NUMA1: variants seen among roughly 807,000 people sequenced by gnomAD.
The protein encoded by NUMA1 is nuclear mitotic apparatus protein 1.
Under a neutral mutation model 237.1 loss-of-function variants are expected in NUMA1, and 62 were observed. The ratio of observed to expected loss-of-function variants is 0.26; its 90% confidence interval spans 0.21 to 0.32. The LOEUF (loss-of-function observed/expected upper bound fraction) is 0.32. Among genes scored for constraint, NUMA1 ranks in the 10% least tolerant of loss-of-function variants. The pLI is 1.00. For synonymous variants in NUMA1, 1,028 were observed against 1,066.1 expected (o/e 0.96, Z 0.70); for missense variants, 2,533 against 2,666.5 (o/e 0.95, Z 1.10).
At chr11:72,027,167 T>C (rs1485274099) in intron 4 of NUMA1, among the ~76,000 whole-genome samples, 1 of 152,206 alleles carries the variant, frequency 6.6e-6, no homozygotes, top group Non-Finnish European at 1.5e-5. Flanking sequence ...TTGATCTATT[T>C]TGAAGTCAAA....
At chr11:72,031,437 A>C (rs1252330981) in intron 3 of NUMA1, among the ~76,000 whole-genome samples, 1 of 152,254 alleles carries the variant, frequency 6.6e-6, no homozygotes, top group African/African-American at 2.4e-5. Context: ...GAGGATTTTT[A>C]AAAATCAATG....
At chr11:72,079,973 G>A (rs994056521) in intron 1 of NUMA1, among the ~76,000 whole-genome samples, 1 of 151,894 alleles carries the variant, frequency 6.6e-6, no homozygotes, top group Non-Finnish European at 1.5e-5. Context: ...TACGTAACCC[G>A]GGCCAAGCTA....
At chr11:72,063,806 A>G (rs1312255810) in intron 2 of NUMA1, among the ~76,000 whole-genome samples, 1 of 151,436 alleles carries the variant, frequency 6.6e-6, no homozygotes, top group Admixed American at 6.6e-5. Context: ...AGTCCCAGCT[A>G]CTCAGGAGGC....
At chr11:72,031,046 T>C (rs1172811827) in intron 3 of NUMA1, among the ~76,000 whole-genome samples, 1 of 152,000 alleles carries the variant, frequency 6.6e-6, no homozygotes, top group East Asian at 1.9e-4. Flanking sequence ...TCCCAGCACT[T>C]TGGGAGGCTG....
At chr11:72,048,278 T>G (rs1467849187) in intron 2 of NUMA1, among the ~76,000 whole-genome samples, 1 of 151,646 alleles carries the variant, frequency 6.6e-6, no homozygotes, top group Non-Finnish European at 1.5e-5. Flanking sequence ...TATTATTGTC[T>G]ACAGCTGTTA....
At chr11:72,049,566 T>TATATATATATATATATATATATATA (rs1942212236) in intron 2 of NUMA1, 1 of 18,964 alleles carries the variant, frequency 5.3e-5, no homozygotes, top group Non-Finnish European at 2.9e-4. Context: ...TAATAATATA[T>TATATATATATATATATATATATATA]ATATATATAT....
At chr11:72,023,986 T>C (rs1354551158) in intron 5 of NUMA1, 1 of 359,496 alleles carries the variant, frequency 2.8e-6, no homozygotes, top group African/African-American at 2.1e-5. Flanking sequence ...AACAGAAACT[T>C]AAGGTGCTCA....
chr11:72,013,646 C>T lies in NUMA1; in HGVS notation c.3857G>A (p.Arg1286His), dbSNP rs1196759949. 3.7e-6 allele frequency: 6 copies of T among 1,609,588 alleles called. No homozygotes were observed. In the Admixed American group the frequency reaches 5.0e-5, roughly 13 times the overall value. Residue 1286 changes from arginine to histidine, a missense_variant, in exon 15 of 27, where the codon CGC becomes CAC. By Grantham distance (29) the Arg-to-His change is conservative. Coordinates refer to ENST00000393695, the MANE Select transcript of NUMA1 (RefSeq NM_006185.4). The surrounding 1 kb of genome is among the most constrained non-coding windows in gnomAD (Gnocchi z 6.8). Reference sequence around the variant, plus strand: ...CACCTCCTCCCGCAGAGCAGAGCTGCGTTCTGCAGCTCTGGCACTGTTGCT... The same window carrying T: ...CACCTCCTCCCGCAGAGCAGAGCTGTGTTCTGCAGCTCTGGCACTGTTGCT... ...TASNSARAAE[R>H]SSALREEVQS...
intron 1 of NUMA1, among the ~76,000 whole-genome samples, chr11:72,079,001 G>A (rs1943859291): frequency 6.6e-6 from 1 of 152,200 alleles, no homozygotes; most frequent in Admixed American, 6.5e-5. Context: ...ATTAAAGCAA[G>A]AAAATATCAT....
Position 72,003,466 on chromosome 11 carries a change from G to T in NUMA1, c.*61C>A. On this transcript the variant is annotated 3_prime_UTR_variant, in exon 27 of 27. Coordinates refer to ENST00000393695, the MANE Select transcript of NUMA1 (RefSeq NM_006185.4). ...GAAGGCACTGAGAGGGACAGTAGGC[G>T]GAGGACCAGGTGAGGTCAGCATCGG... 1.3e-6 allele frequency: 2 copies of T among 1,532,858 alleles called. No individual in the cohort carries two copies. Among genetic ancestry groups the T allele is most frequent in the Non-Finnish European group, 9.0e-7 (1 of 1,105,326 alleles). The allele number at this position is 1,532,858 out of a possible 1,614,324, so 95.0% of individuals were successfully genotyped here.
intron 20 of NUMA1, chr11:72,008,148 A>G (rs988627634): frequency 1.5e-5 from 7 of 478,522 alleles, no homozygotes; most frequent in Admixed American, 2.3e-5. Context: ...CTTTATGTCT[A>G]GCACAAAATA....
intron 22 of NUMA1, chr11:72,005,716 A>T: frequency 2.0e-6 from 1 of 496,826 alleles, no homozygotes. Context: ...AGAGCTTCCA[A>T]GAAGAGTCTG....
Position 72,018,983 on chromosome 11 carries a change from G to A in NUMA1, c.585-3C>T. On this transcript the variant is annotated splice_polypyrimidine_tract_variant and splice_region_variant and intron_variant, in intron 9 of 26. Transcript: ENST00000393695. ...AAGCTGGAGAACCTGAGAGAAAGCT[G>A]AGGAGGGAGAAGGCCCATATGCATT... The A allele has an allele frequency of 6.2e-7, 1 of 1,613,714 alleles. No individual in the cohort carries two copies. The highest frequency in any genetic ancestry group is 8.5e-7 in the Non-Finnish European group (1 of 1,179,946).
intron 2 of NUMA1, among the ~76,000 whole-genome samples, chr11:72,043,061 G>A (rs771761911): frequency 6.6e-6 from 1 of 152,186 alleles, no homozygotes; most frequent in Non-Finnish European, 1.5e-5. Context: ...GGAAGCTGCA[G>A]TGAGAGACAT....
chr11:72,019,207 T>C (rs1258608376), intron 9 of NUMA1, among the ~76,000 whole-genome samples: 1 of 152,144 alleles, frequency 6.6e-6, no homozygotes, highest in Non-Finnish European at 1.5e-5. Context: ...AAGTGATATA[T>C]TCTCCTTGGC....
chr11:72,035,722 T>C (rs146547091), intron 3 of NUMA1, among the ~76,000 whole-genome samples, 180 bp downstream of exon 3: 2 of 152,222 alleles, frequency 1.3e-5, no homozygotes, highest in East Asian at 1.9e-4. Context: ...CATTTACCCT[T>C]TTATTCAGAA....
chr11:72,052,506 G>A (rs1256310489), intron 2 of NUMA1, among the ~76,000 whole-genome samples: 4 of 152,138 alleles, frequency 2.6e-5, no homozygotes, highest in African/African-American at 4.8e-5. Flanking sequence ...GGTGGCTCAC[G>A]CCTGTAATCC....
intron 2 of NUMA1, among the ~76,000 whole-genome samples, chr11:72,045,632 C>G (rs1340438425): frequency 6.6e-6 from 1 of 152,060 alleles, no homozygotes. Context: ...GTGCATGCCA[C>G]CACGCCTGAC....
chr11:72,035,406 CT>C (rs200551589), intron 3 of NUMA1, among the ~76,000 whole-genome samples: 244 of 143,656 alleles, frequency 1.7e-3, no homozygotes, highest in East Asian at 5.4e-3. Flanking sequence ...ACCACCCCCC[CT>C]TTTTTTTTTT....
Sources: gnomAD v4.1 joint callset for allele counts (sites outside exome capture counted in the v4.1 genomes callset) on GRCh38, gnomAD v4.1.1 for gene constraint, Gnocchi (gnomAD v3.1) non-coding constraint, MANE v1.5 for transcripts, NCBI Gene and HGNC (gene_info 2026-07-23, HGNC 2026-07-21) for gene names.